Variants in ASCC2 observed in about 807,000 individuals in gnomAD.
ASCC2 encodes the protein ASC-1 complex subunit P100.
In ASCC2, 42 loss-of-function variants were observed where a neutral mutation model predicts 93.5. The ratio of observed to expected loss-of-function variants is 0.45; its 90% CI spans 0.35 to 0.58. ASCC2 has a LOEUF of 0.58. Ranked by LOEUF, ASCC2 falls within the 20% of genes least tolerant of loss-of-function variation. The pLI is 0.00. For missense variants in ASCC2, 859 were observed against 977.6 expected (o/e 0.88, Z 1.62); for synonymous variants, 364 against 384.2 (o/e 0.95, Z 0.62).
intron 12 of ASCC2, 32 bp downstream of exon 12, chr22:29,806,184 C>T: frequency 6.2e-7 from 1 of 1,607,592 alleles, no homozygotes; most frequent in Non-Finnish European, 8.5e-7. Flanking sequence ...TCAAGCTGGG[C>T]CCTGTCGTAG....
Position 29,806,205 on chromosome 22 carries a change from TAGA to T in ASCC2, c.1160+8_1160+10del, listed in dbSNP as rs765899950. On this transcript the variant is annotated splice_region_variant and intron_variant, in intron 12 of 19. Transcript: ENST00000307790. ...TGGGCCCTGTCGTAGTGGGCTATGG[TAGA>T]AGGATACAAGACTGATGAGGCCTGC... 3.7e-6 allele frequency: 6 copies of T among 1,613,634 alleles called. No homozygotes were observed. The highest frequency in any genetic ancestry group is 3.3e-5 in the South Asian group (3 of 91,064).
rs749396058 is a variant in ASCC2 at position 29,793,675 on chromosome 22, T to C, written c.1690A>G (p.Thr564Ala). ...CTCCGCGTGTTTTCCTCCTTCCTGG[T>C]GCTGAGAAGGAACAGCAGAAAGAGA... is the stretch of plus-strand genomic sequence containing the variant. ...DLSRVHKGKS[T>A]RKEENTRSLL... is the part of the protein sequence containing the mutation. The change falls in exon 16 of 20, where the codon ACC becomes GCC. Residue 564 changes from threonine (T) to alanine (A), a missense_variant and splice_region_variant. Physicochemically the swap from Thr to Ala is moderately conservative, Grantham distance 58. Coordinates refer to ENST00000307790, the MANE Select transcript of ASCC2 (RefSeq NM_032204.5). 1.9e-5 allele frequency: 30 copies of C among 1,558,926 alleles called. No individual in the cohort carries two copies. In the Admixed American group the frequency reaches 4.6e-4, roughly 24 times the overall value.
intron 5 of ASCC2, among the ~76,000 whole-genome samples, chr22:29,818,409 C>T (rs867684218): frequency 0.029 from 141 of 4,912 alleles, 1 homozygote; most frequent in Non-Finnish European, 0.058. Flanking sequence ...TGCCTACACA[C>T]ACACACACAC....
intron 2 of ASCC2, among the ~76,000 whole-genome samples, chr22:29,830,305 A>T (rs1455820865): frequency 1.3e-5 from 2 of 152,222 alleles, no homozygotes; most frequent in African/African-American, 4.8e-5. Context: ...TTGCCCAAAG[A>T]CACAAAGACA....
chr22:29,828,437 C>T (rs1602238785), intron 2 of ASCC2, among the ~76,000 whole-genome samples: 4 of 152,154 alleles, frequency 2.6e-5, no homozygotes, highest in African/African-American at 9.7e-5. Flanking sequence ...AGGAATCAAA[C>T]AGTAAGTTTC....
intron 2 of ASCC2, among the ~76,000 whole-genome samples, chr22:29,826,425 C>T (rs1274370249): frequency 2.0e-5 from 3 of 151,974 alleles, no homozygotes; most frequent in African/African-American, 4.8e-5. Flanking sequence ...TAGGTGATCC[C>T]CCACCTCAGC....
intron 14 of ASCC2, 89 bp downstream of exon 14, chr22:29,801,904 TG>T: frequency 9.1e-7 from 1 of 1,104,822 alleles, no homozygotes. Context: ...AGCTGAGTCC[TG>T]GGCCATGAAT....
chr22:29,833,149 A>G (rs1315963986), intron 1 of ASCC2, among the ~76,000 whole-genome samples: 1 of 152,098 alleles, frequency 6.6e-6, no homozygotes, highest in Non-Finnish European at 1.5e-5. Flanking sequence ...CAGCTCTGTG[A>G]GCTCAGTAGC....
intron 19 of ASCC2, among the ~76,000 whole-genome samples, chr22:29,789,496 C>T (rs187148216): frequency 2.6e-5 from 4 of 152,294 alleles, no homozygotes; most frequent in East Asian, 1.9e-4. Flanking sequence ...AGGTGGGTCT[C>T]CTCCTTTCTC....
intron 8 of ASCC2, among the ~76,000 whole-genome samples, chr22:29,810,734 A>C (rs910197986): frequency 1.5e-4 from 23 of 151,400 alleles, no homozygotes; most frequent in Admixed American, 6.6e-4. Flanking sequence ...TATTCTTTGT[A>C]ATTTTTTTTT....
intron 18 of ASCC2, 31 bp downstream of exon 18, chr22:29,792,402 C>T (rs777993753): frequency 1.2e-6 from 2 of 1,612,368 alleles, no homozygotes; most frequent in Non-Finnish European, 1.7e-6. Flanking sequence ...ACTGCACTCT[C>T]CCCTTCATCT....
chr22:29,803,611 TG>T (rs1465536024), intron 13 of ASCC2, among the ~76,000 whole-genome samples: 1 of 152,222 alleles, frequency 6.6e-6, no homozygotes, highest in Non-Finnish European at 1.5e-5. Context: ...CCACCAGAGC[TG>T]GACTGTGTGG....
intron 4 of ASCC2, among the ~76,000 whole-genome samples, chr22:29,824,034 A>T (rs967493625): frequency 7.9e-5 from 12 of 151,850 alleles, no homozygotes; most frequent in African/African-American, 2.9e-4. Flanking sequence ...CTCCAAAAAC[A>T]TTTTTTAAAT....
chr22:29,815,105 G>A, intron 6 of ASCC2: 2 of 235,032 alleles, frequency 8.5e-6, no homozygotes, highest in Non-Finnish European at 1.7e-5. Flanking sequence ...GACCAGCCTG[G>A]GCAACATGGT....
rs5844872 is a variant in ASCC2 at position 29,827,899 on chromosome 22, G to GACACACACACAC, written c.82-2131_82-2120dup. Among the ~76,000 whole-genome samples the GACACACACACAC allele has an allele frequency of 1.0e-4, 4 of 40,000 alleles. 1 individual carries two copies. Among genetic ancestry groups the GACACACACACAC allele is most frequent in the African/African-American group, 4.4e-4 (4 of 9,008 alleles). The allele number at this position is 40,000 out of a possible 152,430, so 26.2% of individuals were successfully genotyped here. A position where few individuals can be genotyped will look rare whatever the true frequency, so the allele number is the denominator to read the frequency against. ...CACACACCAGGCTACTCATTCTTCT[G>GACACACACACAC]ACACACACACACACACACACACACA... is the stretch of plus-strand genomic sequence containing the variant. On this transcript the variant is annotated intron_variant, in intron 2 of 19. Coordinates refer to ENST00000307790, the MANE Select transcript of ASCC2 (RefSeq NM_032204.5).
chr22:29,832,173 G>C, intron 2 of ASCC2, 72 bp downstream of exon 2: 1 of 1,354,356 alleles, frequency 7.4e-7, no homozygotes, highest in Non-Finnish European at 1.0e-6. Flanking sequence ...GATAAAGACG[G>C]AATTTACTTT....
At chr22:29,824,807 T>C (rs952750924) in intron 4 of ASCC2, among the ~76,000 whole-genome samples, 2 of 152,074 alleles carry the variant, frequency 1.3e-5, no homozygotes, top group Admixed American at 1.3e-4. Context: ...TCAGAATCAA[T>C]GTTTTTTCTC....
At chr22:29,826,894 G>A (rs1191665747) in intron 2 of ASCC2, among the ~76,000 whole-genome samples, 1 of 151,696 alleles carries the variant, frequency 6.6e-6, no homozygotes, top group South Asian at 2.1e-4. Flanking sequence ...TCAGGAGATC[G>A]AGACCATCCT....
At position 29,816,784 on chromosome 22, in the gene ASCC2, C is replaced by CGAGAGAGGGAGAGAGG. The variant is rs540530782; in HGVS notation, c.542-727_542-712dup. 5.7e-5 allele frequency: 7 copies of CGAGAGAGGGAGAGAGG among 122,534 alleles called. 1 individual carries two copies. The highest frequency in any genetic ancestry group is 1.0e-4 in the Admixed American group (1 of 9,932). 7.6% of individuals were successfully genotyped at this position (122,534 alleles called of 1,614,324 possible). On this transcript the variant is annotated intron_variant, in intron 5 of 19. Coordinates refer to ENST00000307790, the MANE Select transcript of ASCC2 (RefSeq NM_032204.5). ...CCAAGTGTTCCAGCTGCCCAAATGGCGAGAGAGGGAGAGAGGGAGAGAGGG... is the reference window on the plus strand; with the variant it reads ...CCAAGTGTTCCAGCTGCCCAAATGGCGAGAGAGGGAGAGAGGGAGAGAGGGAGAGAGGGAGAGAGGG...
Sources: gnomAD v4.1 joint callset for allele counts (sites outside exome capture counted in the v4.1 genomes callset) on GRCh38, gnomAD v4.1.1 for gene constraint, MANE v1.5 for transcripts, NCBI Gene and HGNC (gene_info 2026-07-23, HGNC 2026-07-21) for gene names.